Variants in BMERB1 observed in about 807,000 individuals in gnomAD.
BMERB1 encodes bMERB domain containing 1, also known as bMERB domain-containing protein 1.
BMERB1 carries 12 observed loss-of-function variants against 23.6 expected under a neutral mutation model. That is an observed-to-expected ratio of 0.51 (90% CI 0.33 to 0.82). BMERB1 has a LOEUF of 0.82. Ranked by LOEUF, BMERB1 falls within the 40% of genes least tolerant of loss-of-function variation. The pLI is 0.03. For synonymous variants in BMERB1, 122 were observed against 96.6 expected (o/e 1.26, Z -1.54); for missense variants, 247 against 255.4 (o/e 0.97, Z 0.22).
In BMERB1 at chr16:15,445,378, C is replaced by T. The variant is rs562745742; in HGVS notation, c.106+10619C>T. On this transcript the variant is annotated intron_variant, in intron 1 of 5. Transcript: ENST00000300006. ...GGCTTTACAGCTATGGCAACAGGTA[C>T]ATAAAAAGGTAAACTTGATTTAATA... 3.3e-5 allele frequency among the ~76,000 whole-genome samples: 5 copies of T among 152,204 alleles called. No individual in the cohort carries two copies. The South Asian group carries it at 1.0e-3, about 32-fold the overall frequency.
chr16:15,581,923 T>G (rs2031023763), intron 4 of BMERB1, among the ~76,000 whole-genome samples: 1 of 152,216 alleles, frequency 6.6e-6, no homozygotes, highest in Admixed American at 6.5e-5. Context: ...AGAGCAAAGC[T>G]TTTAGGGCCT....
chr16:15,445,003 G>C (rs145409374), intron 1 of BMERB1, among the ~76,000 whole-genome samples: 1 of 152,070 alleles, frequency 6.6e-6, no homozygotes, highest in African/African-American at 2.4e-5. Context: ...TAGGCCTCCC[G>C]CCTAGGCCTC....
chr16:15,481,456 G>A (rs12185145), intron 1 of BMERB1, among the ~76,000 whole-genome samples: 36,721 of 151,852 alleles, frequency 0.24, 5,435 homozygotes, highest in Middle Eastern at 0.39. Context: ...GAACCCGGGA[G>A]GCGGAGCTTG....
In BMERB1 at chr16:15,565,376, C is replaced by T. The variant is rs78515124; in HGVS notation, c.231-2607C>T. ...TGTCAGGAGCAAAGTAAGATACTGG[C>T]TCCAAGCTGACCCACTACATCCCTT... is the stretch of plus-strand genomic sequence containing the variant. On this transcript the variant is annotated intron_variant, in intron 2 of 5. Coordinates refer to ENST00000300006, the MANE Select transcript of BMERB1 (RefSeq NM_033201.3). Among the ~76,000 whole-genome samples the T allele has an allele frequency of 2.7e-3, 404 of 152,292 alleles. 2 individuals carry two copies. The highest frequency in any genetic ancestry group is 9.0e-3 in the African/African-American group (376 of 41,562).
At chr16:15,486,873 A>G (rs952668960) in intron 1 of BMERB1, among the ~76,000 whole-genome samples, 1 of 152,148 alleles carries the variant, frequency 6.6e-6, no homozygotes, top group African/African-American at 2.4e-5. Flanking sequence ...TTTGTCATCT[A>G]CAAAATGGGT....
At chr16:15,507,264 C>T (rs2051601938) in intron 1 of BMERB1, among the ~76,000 whole-genome samples, 1 of 152,214 alleles carries the variant, frequency 6.6e-6, no homozygotes, top group Non-Finnish European at 1.5e-5. Flanking sequence ...TCCACCACTC[C>T]TGTCCCTGGG....
intron 2 of BMERB1, among the ~76,000 whole-genome samples, chr16:15,526,663 C>CAAAA (rs57236824): frequency 7.9e-5 from 4 of 50,838 alleles, no homozygotes; most frequent in African/African-American, 1.8e-4. Flanking sequence ...GACTGCATCT[C>CAAAA]AAAAAAAAAA....
intron 1 of BMERB1, among the ~76,000 whole-genome samples, chr16:15,455,725 G>C (rs1460666214): frequency 6.6e-6 from 1 of 152,104 alleles, no homozygotes; most frequent in Non-Finnish European, 1.5e-5. Flanking sequence ...GCCTCCCAAA[G>C]TGCTGGGATT....
At chr16:15,456,621 C>T (rs1359021908) in intron 1 of BMERB1, among the ~76,000 whole-genome samples, 1 of 151,794 alleles carries the variant, frequency 6.6e-6, no homozygotes, top group Non-Finnish European at 1.5e-5. Context: ...GACACTGCAT[C>T]AGCCAAAAAA....
chr16:15,536,971 T>A (rs563666087), intron 2 of BMERB1: 1 of 152,350 alleles, frequency 6.6e-6, no homozygotes, highest in East Asian at 1.9e-4. Context: ...GTTTGACTCC[T>A]TGGCACAGCA....
At chr16:15,465,328 A>G (rs1350213117) in intron 1 of BMERB1, among the ~76,000 whole-genome samples, 1 of 150,262 alleles carries the variant, frequency 6.7e-6, no homozygotes, top group Admixed American at 6.8e-5. Context: ...TCCATCATCC[A>G]AATTTGGTCA....
intron 1 of BMERB1, among the ~76,000 whole-genome samples, chr16:15,494,205 A>T (rs1166398918): frequency 6.6e-6 from 1 of 152,140 alleles, no homozygotes; most frequent in Non-Finnish European, 1.5e-5. Context: ...TGCAATTTTA[A>T]CCGGGCAATT....
chr16:15,556,569 C>CTTATTTATTTATTTTTAT (rs2030264773), intron 2 of BMERB1, among the ~76,000 whole-genome samples: 2 of 152,144 alleles, frequency 1.3e-5, no homozygotes, highest in African/African-American at 2.4e-5. Context: ...AACCCCTCAT[C>CTTATTTATTTATTTTTAT]TTATTTATTT....
chr16:15,515,138 G>A (rs927222657), intron 1 of BMERB1, among the ~76,000 whole-genome samples, 167 bp from the exon 2 acceptor site: 4 of 152,154 alleles, frequency 2.6e-5, no homozygotes, highest in African/African-American at 9.7e-5. Flanking sequence ...ACATTTTCTG[G>A]TTCCCAAAGG....
intron 1 of BMERB1, among the ~76,000 whole-genome samples, chr16:15,471,606 A>T (rs1023625583): frequency 1.3e-5 from 2 of 150,774 alleles, no homozygotes; most frequent in African/African-American, 2.4e-5. Flanking sequence ...CCTCTCTCTC[A>T]CTCTCTCTCT....
At position 15,468,129 on chromosome 16, in the gene BMERB1, C is replaced by CT. The variant is rs1223276147; in HGVS notation, c.106+33372dup. On this transcript the variant is annotated intron_variant, in intron 1 of 5. Coordinates refer to ENST00000300006, the MANE Select transcript of BMERB1 (RefSeq NM_033201.3). ...TTTCTTTTCTTTTCTTTCTTTCTTT[C>CT]TTCTTCTTTTTTTTTTTTTTTTTTT... is the stretch of plus-strand genomic sequence containing the variant. 2.0e-3 allele frequency among the ~76,000 whole-genome samples: 105 copies of CT among 53,140 alleles called. 1 individual carries two copies. The highest frequency in any genetic ancestry group is 5.7e-3 in the African/African-American group (99 of 17,316). The allele number at this position is 53,140 out of a possible 152,430, so 34.9% of individuals were successfully genotyped here. A position where few individuals can be genotyped will look rare whatever the true frequency, so the allele number is the denominator to read the frequency against.
Position 15,537,007 on chromosome 16 carries a change from A to T in BMERB1, c.230+21579A>T, listed in dbSNP as rs369263027. ...GTGGGAGCCTCTCTCTCTCCCCTGT[A>T]GCCTAGGATCGTGATCAGAATCATA... On this transcript the variant is annotated intron_variant, in intron 2 of 5. Coordinates refer to ENST00000300006, the MANE Select transcript of BMERB1 (RefSeq NM_033201.3). 6 of 152,328 alleles carry T rather than the reference A, an allele frequency of 3.9e-5. No individual in the cohort carries two copies. In the East Asian group the frequency reaches 7.7e-4, roughly 20 times the overall value. 9.4% of individuals were successfully genotyped at this position (152,328 alleles called of 1,614,324 possible).
intron 1 of BMERB1, among the ~76,000 whole-genome samples, chr16:15,481,428 G>A (rs1050650469): frequency 3.3e-5 from 5 of 152,050 alleles, no homozygotes; most frequent in Non-Finnish European, 7.4e-5. Flanking sequence ...TCCGGAGGCT[G>A]AGGCAGGAGA....
chr16:15,566,060 ATT>A (rs1159127476), intron 2 of BMERB1, among the ~76,000 whole-genome samples: 1 of 152,188 alleles, frequency 6.6e-6, no homozygotes, highest in Non-Finnish European at 1.5e-5. Flanking sequence ...AGTGGCCAAA[ATT>A]GCTCAAACCT....
Sources: gnomAD v4.1 joint callset for allele counts (sites outside exome capture counted in the v4.1 genomes callset) on GRCh38, gnomAD v4.1.1 for gene constraint, MANE v1.5 for transcripts, NCBI Gene and HGNC (gene_info 2026-07-23, HGNC 2026-07-21) for gene names.